The following CLDN10 variants were observed in gnomAD, a reference collection of about 807,000 sequenced individuals.
The protein encoded by CLDN10 is claudin 10, also known as claudin-10.
In CLDN10, 15 loss-of-function variants were observed where a neutral mutation model predicts 22.9. The ratio of observed to expected loss-of-function variants is 0.65; its 90% confidence interval spans 0.44 to 1.01. The LOEUF is 1.01. Among genes scored for constraint, CLDN10 ranks in the 50% least tolerant of loss-of-function variants. The probability of loss-of-function intolerance (pLI) is 0.00; values close to 1 mark genes in which losing one functional copy is unlikely to be tolerated. For synonymous variants in CLDN10, 114 were observed against 111.4 expected, an observed-to-expected ratio of 1.02 and a Z score of -0.15; for missense variants, 247 against 287.8, an observed-to-expected ratio of 0.86 and a Z score of 1.03.
intron 1 of CLDN10, among the ~76,000 whole-genome samples, chr13:95,460,956 A>G (rs2042531038): frequency 6.6e-6 from 1 of 152,068 alleles, no homozygotes; most frequent in Non-Finnish European, 1.5e-5. Flanking sequence ...TAAAAATACA[A>G]AAAAGTTAGC....
chr13:95,502,899 A>T (rs2043000634), intron 1 of CLDN10, among the ~76,000 whole-genome samples: 1 of 152,120 alleles, frequency 6.6e-6, no homozygotes, highest in Admixed American at 6.5e-5. Flanking sequence ...TTCAGCAAAG[A>T]TGTCCTGTTT....
intron 1 of CLDN10, among the ~76,000 whole-genome samples, chr13:95,535,094 T>C (rs1352359199): frequency 2.0e-5 from 3 of 152,182 alleles, no homozygotes; most frequent in Non-Finnish European, 4.4e-5. Flanking sequence ...AACACTGCCA[T>C]GCATGCTTGC....
intron 1 of CLDN10, among the ~76,000 whole-genome samples, chr13:95,470,932 C>T (rs1353702021): frequency 6.6e-6 from 1 of 152,160 alleles, no homozygotes; most frequent in Admixed American, 6.5e-5. Context: ...GCATGAGCCC[C>T]TACTGCGGGC....
chr13:95,553,106 A>C, intron 1 of CLDN10, 133 bp downstream of exon 1: 4 of 1,232,722 alleles, frequency 3.2e-6, no homozygotes, highest in Non-Finnish European at 4.4e-6. Flanking sequence ...GTCTCTCCCA[A>C]CAGGGCCTTA....
intron 1 of CLDN10, among the ~76,000 whole-genome samples, chr13:95,539,851 C>A (rs548924478): frequency 3.2e-4 from 48 of 152,170 alleles, no homozygotes; most frequent in Non-Finnish European, 5.7e-4. Flanking sequence ...TAATCTTGAC[C>A]CTTTAACACA....
chr13:95,482,696 G>T (rs2042762522), intron 1 of CLDN10, among the ~76,000 whole-genome samples: 1 of 152,156 alleles, frequency 6.6e-6, no homozygotes, highest in Non-Finnish European at 1.5e-5. Context: ...GAATAAACTG[G>T]CTGGGCGCGG....
At position 95,538,355 on chromosome 13, in the gene CLDN10, G is replaced by A. The variant is rs980522958; in HGVS notation, c.215-21777G>A. The stretch of plus-strand genomic sequence containing the variant: ...GGGTTTCACTATATTGGCCAGGCTG[G>A]TCTTGAACCCCTGACCTCATGATCC... On this transcript the variant is annotated intron_variant, in intron 1 of 4. Transcript: ENST00000376873. Among the ~76,000 whole-genome samples the A allele has an allele frequency of 4.0e-5, 6 of 151,742 alleles. No individual in the cohort carries two copies. In the East Asian group the frequency reaches 9.7e-4, roughly 25 times the overall value.
intron 1 of CLDN10, among the ~76,000 whole-genome samples, chr13:95,542,474 A>G (rs141153588): frequency 1.3e-5 from 2 of 152,384 alleles, no homozygotes; most frequent in African/African-American, 4.8e-5. Flanking sequence ...CAGTTTGGCC[A>G]GAAATAAAAT....
Position 95,552,956 on chromosome 13 carries a change from C to CAG in CLDN10, c.203_204insAG (p.Met69AlafsTer16), listed in dbSNP as rs1270508750. ...GTCTCCAACTGCAAGGACTTCCCCT[C>CAG]CATGCTGGCGCTGGACGGTCTGCAT... On this transcript the variant is annotated frameshift_variant, in exon 1 of 5. Coordinates refer to ENST00000299339, the MANE Select transcript of CLDN10 (RefSeq NM_006984.5). LOFTEE classifies it high-confidence loss of function. The CAG allele has an allele frequency of 6.2e-7, 1 of 1,614,002 alleles. No homozygotes were observed.
intron 1 of CLDN10, among the ~76,000 whole-genome samples, chr13:95,471,321 T>G (rs1162293770): frequency 6.6e-6 from 1 of 151,258 alleles, no homozygotes; most frequent in Non-Finnish European, 1.5e-5. Flanking sequence ...CTCCAAGAAG[T>G]GCTCACCAGA....
rs112131929 is a variant in CLDN10 at position 95,482,004 on chromosome 13, G to A, written c.214+47957G>A. Among the ~76,000 whole-genome samples the A allele has an allele frequency of 2.8e-3, 422 of 152,268 alleles. 1 individual carries two copies. The highest frequency in any genetic ancestry group is 9.8e-3 in the African/African-American group (406 of 41,552). On this transcript the variant is annotated intron_variant, in intron 1 of 4. Transcript: ENST00000376873. ...ACTACACTCCAGCCTGGGCGACAGA[G>A]TGAGACTCTGACTCAAAAAAGTAAA... is the stretch of plus-strand genomic sequence containing the variant.
chr13:95,468,862 A>G (rs67878607), intron 1 of CLDN10, among the ~76,000 whole-genome samples: 44,171 of 151,906 alleles, frequency 0.29, 7,742 homozygotes, highest in Non-Finnish European at 0.39. Flanking sequence ...ATGTGTTCTT[A>G]TTAATATTTC....
At chr13:95,449,970 C>T (rs1302097736) in intron 1 of CLDN10, among the ~76,000 whole-genome samples, 1 of 151,818 alleles carries the variant, frequency 6.6e-6, no homozygotes, top group East Asian at 1.9e-4. Context: ...GTCTCAATCC[C>T]CTGACCTTGT....
At chr13:95,506,933 G>A (rs370358433) in intron 1 of CLDN10, among the ~76,000 whole-genome samples, 14 of 152,278 alleles carry the variant, frequency 9.2e-5, no homozygotes, top group African/African-American at 2.4e-4. Context: ...AGCAGGCCAC[G>A]AGGAATTGGG....
At chr13:95,549,361 C>T (rs1254551650), upstream of CLDN10, among the ~76,000 whole-genome samples, 6 of 152,198 alleles carry the variant, frequency 3.9e-5, no homozygotes, top group South Asian at 4.1e-4. Flanking sequence ...CTCTGTAAAT[C>T]GGCTTGCAGA....
intron 1 of CLDN10, among the ~76,000 whole-genome samples, chr13:95,475,997 T>G (rs2042682846): frequency 6.6e-6 from 1 of 152,170 alleles, no homozygotes; most frequent in South Asian, 2.1e-4. Flanking sequence ...CTCTGCCATC[T>G]AATTCCACCC....
intron 1 of CLDN10, among the ~76,000 whole-genome samples, chr13:95,435,208 A>G (rs2042256366): frequency 6.6e-6 from 1 of 152,160 alleles, no homozygotes; most frequent in Non-Finnish European, 1.5e-5. Context: ...CTTTCTGCAA[A>G]TTTGATACAT....
intron 1 of CLDN10, among the ~76,000 whole-genome samples, chr13:95,527,090 A>G (rs1341350551): frequency 6.6e-6 from 1 of 152,086 alleles, no homozygotes; most frequent in African/African-American, 2.4e-5. Context: ...TTTTAGACCC[A>G]TTTTTGCCAC....
upstream of CLDN10, among the ~76,000 whole-genome samples, chr13:95,552,485 C>T (rs142174339): frequency 3.1e-3 from 474 of 152,284 alleles, 2 homozygotes; most frequent in Non-Finnish European, 5.4e-3. Context: ...CTCAGGGGAG[C>T]GCAGGCCGGC....
Sources: gnomAD v4.1 joint callset for allele counts (sites outside exome capture counted in the v4.1 genomes callset) on GRCh38, gnomAD v4.1.1 for gene constraint, MANE v1.5 for transcripts, NCBI Gene and HGNC (gene_info 2026-07-23, HGNC 2026-07-21) for gene names.